The following SLC38A6 variants were observed in gnomAD, a reference collection of about 807,000 sequenced individuals.
SLC38A6 encodes solute carrier family 38 member 6, also known as N system amino acid transporter NAT-1.
Under a neutral mutation model 65.0 loss-of-function variants are expected in SLC38A6, and 73 were observed. That is an observed-to-expected ratio of 1.12 (90% confidence interval 0.93 to 1.37). The LOEUF is 1.37. Ranked by LOEUF, SLC38A6 falls within the 40% of genes most tolerant of loss-of-function variation. The pLI is 0.00. For synonymous variants in SLC38A6, 183 were observed against 178.8 expected, an observed-to-expected ratio of 1.02 and a Z score of -0.19; for missense variants, 561 against 531.1, an observed-to-expected ratio of 1.06 and a Z score of -0.55.
intron 10 of SLC38A6, among the ~76,000 whole-genome samples, chr14:61,044,384 C>T (rs1341518257): frequency 6.6e-6 from 1 of 152,070 alleles, no homozygotes; most frequent in Non-Finnish European, 1.5e-5. Flanking sequence ...CCTCCAGGTG[C>T]CGTAAAGATC....
chr14:61,012,213 T>G (rs2039630952), intron 3 of SLC38A6, among the ~76,000 whole-genome samples: 2 of 152,220 alleles, frequency 1.3e-5, no homozygotes, highest in Admixed American at 6.5e-5. Flanking sequence ...TGTATTTCTG[T>G]GGGATCGGTG....
intron 3 of SLC38A6, among the ~76,000 whole-genome samples, chr14:61,013,106 T>G (rs900805507): frequency 6.6e-6 from 1 of 152,218 alleles, no homozygotes; most frequent in Non-Finnish European, 1.5e-5. Context: ...AGTTAGCTCT[T>G]CTTGTTGAAT....
chr14:60,989,168 T>G (rs2037673756), intron 3 of SLC38A6, among the ~76,000 whole-genome samples: 1 of 152,248 alleles, frequency 6.6e-6, no homozygotes, highest in South Asian at 2.1e-4. Context: ...CTTATTTATC[T>G]GTGCCTATAT....
intron 6 of SLC38A6, among the ~76,000 whole-genome samples, chr14:61,035,933 G>A (rs1283661100): frequency 2.6e-5 from 4 of 151,908 alleles, no homozygotes; most frequent in African/African-American, 9.7e-5. Flanking sequence ...TGTGCATCCA[G>A]TTTTGTTTTT....
At chr14:61,015,803 A>G (rs1015812282) in intron 3 of SLC38A6, 101 bp from the exon 4 acceptor site, 1 of 826,374 alleles carries the variant, frequency 1.2e-6, no homozygotes, top group Non-Finnish European at 1.8e-6. Context: ...GATCATAAGA[A>G]TTATACTGTA....
At chr14:60,983,265 C>A in intron 2 of SLC38A6, among the ~76,000 whole-genome samples, 1 of 152,090 alleles carries the variant, frequency 6.6e-6, no homozygotes, top group East Asian at 1.9e-4. Flanking sequence ...TCAAGGCAGG[C>A]GGATCACTGG....
chr14:61,037,794 T>C, intron 8 of SLC38A6, 111 bp downstream of exon 8: 1 of 669,806 alleles, frequency 1.5e-6, no homozygotes, highest in Non-Finnish European at 2.4e-6. Flanking sequence ...TCATTTTATT[T>C]CACTGTGTTA....
intron 8 of SLC38A6, among the ~76,000 whole-genome samples, chr14:61,039,651 G>A (rs565511230): frequency 1.3e-5 from 2 of 151,704 alleles, no homozygotes; most frequent in Admixed American, 6.6e-5. Flanking sequence ...GATTACAGGC[G>A]TGAGCCACCG....
chr14:61,006,482 G>GA (rs1474970592), intron 3 of SLC38A6, among the ~76,000 whole-genome samples: 1 of 151,838 alleles, frequency 6.6e-6, no homozygotes, highest in African/African-American at 2.4e-5. Context: ...AAATTTACAG[G>GA]AAAAAAACAA....
intron 15 of SLC38A6, among the ~76,000 whole-genome samples, chr14:61,064,080 G>A (rs889795764): frequency 6.6e-6 from 1 of 152,110 alleles, no homozygotes; most frequent in African/African-American, 2.4e-5. Flanking sequence ...CACTCACAGG[G>A]GAACTGGCCC....
At chr14:61,023,329 G>A (rs1367154491) in intron 5 of SLC38A6, among the ~76,000 whole-genome samples, 2 of 152,064 alleles carry the variant, frequency 1.3e-5, no homozygotes, top group Non-Finnish European at 2.9e-5. Context: ...CTAGCACTTT[G>A]GGAGGCCAAA....
chr14:61,074,194 C>T (rs1359014206), intron 15 of SLC38A6, among the ~76,000 whole-genome samples: 1 of 152,160 alleles, frequency 6.6e-6, no homozygotes, highest in East Asian at 1.9e-4. Context: ...CAAAGGTCAA[C>T]TGTAAATACA....
intron 5 of SLC38A6, among the ~76,000 whole-genome samples, chr14:61,026,129 C>T (rs895656214): frequency 2.0e-5 from 3 of 152,128 alleles, no homozygotes; most frequent in Non-Finnish European, 4.4e-5. Flanking sequence ...TAGGCCCAAA[C>T]TCCAATTAGG....
chr14:60,983,296 A>G (rs1179043345), intron 2 of SLC38A6, among the ~76,000 whole-genome samples: 1 of 152,140 alleles, frequency 6.6e-6, no homozygotes, highest in Non-Finnish European at 1.5e-5. Context: ...TTTGAGACCA[A>G]CCTGGGCAAG....
intron 3 of SLC38A6, among the ~76,000 whole-genome samples, chr14:61,010,602 G>C (rs1399996916): frequency 6.6e-6 from 1 of 152,070 alleles, no homozygotes; most frequent in Non-Finnish European, 1.5e-5. Flanking sequence ...TCTACATATG[G>C]CTAGCCAGTT....
chr14:61,055,068 G>A (rs896877626), downstream of SLC38A6, among the ~76,000 whole-genome samples: 3 of 114,960 alleles, frequency 2.6e-5, no homozygotes, highest in African/African-American at 6.3e-5. Context: ...TTTTTAACAT[G>A]AAGCAGTGTT....
chr14:61,038,440 T>A (rs957220014), intron 8 of SLC38A6, among the ~76,000 whole-genome samples: 5 of 152,156 alleles, frequency 3.3e-5, no homozygotes, highest in Non-Finnish European at 1.5e-5. Flanking sequence ...TATCTAAATG[T>A]CAAACCTTAA....
intron 5 of SLC38A6, among the ~76,000 whole-genome samples, chr14:61,021,251 C>T (rs4462497): frequency 0.93 from 141,830 of 152,266 alleles, 66,446 homozygotes; most frequent in Non-Finnish European, 0.99. Flanking sequence ...TTCTAAGTAC[C>T]TTAAATATTC....
intron 4 of SLC38A6, among the ~76,000 whole-genome samples, chr14:61,018,361 G>A (rs146716409): frequency 3.3e-5 from 5 of 152,232 alleles, no homozygotes; most frequent in East Asian, 1.9e-4. Context: ...TCTGGAGAGC[G>A]TTCAAGTGGC....
Sources: allele counts gnomAD v4.1 joint callset (sites outside exome capture counted in the v4.1 genomes callset), GRCh38; gene constraint gnomAD v4.1.1; transcripts MANE v1.5; gene names NCBI Gene and HGNC (gene_info 2026-07-23, HGNC 2026-07-21).